The following LINC00632 variants were observed in gnomAD, a reference collection of about 807,000 sequenced individuals.
The protein encoded by LINC00632 is long independently transcribed non-coding RNA 632, also known as ALDOA related specific transcript.
chrX:140,718,306 A>G (rs1045240752), intron 2 of LINC00632, among the ~76,000 whole-genome samples: 4 of 110,791 alleles, frequency 3.6e-5, no homozygotes, highest in African/African-American at 1.3e-4. Context: ...ACTCGAATCA[A>G]CCCACAATGC....
At chrX:140,723,659 T>C (rs1602734860) in intron 2 of LINC00632, among the ~76,000 whole-genome samples, 3 of 1,930 alleles carry the variant, frequency 1.6e-3, no homozygotes, top group Non-Finnish European at 3.0e-3. Flanking sequence ...CACACACACA[T>C]TCCATATACA....
chrX:140,760,325 G>A (rs757876093), intron 3 of LINC00632, among the ~76,000 whole-genome samples: 1 of 111,884 alleles, frequency 8.9e-6, no homozygotes, highest in Non-Finnish European at 1.9e-5. Context: ...CTCAGACATA[G>A]GGCTATAAAG....
exon 5 of LINC00632, chrX:140,782,337 T>C (rs1355776548): frequency 8.9e-6 from 1 of 112,029 alleles, no homozygotes; most frequent in Non-Finnish European, 1.9e-5. Context: ...GCTTCCAACA[T>C]CTTTAATTAC....
chrX:140,785,963 T>C (rs1178525654), exon 5 of LINC00632, among the ~76,000 whole-genome samples: 1 of 111,586 alleles, frequency 9.0e-6, no homozygotes, highest in Non-Finnish European at 1.9e-5. Flanking sequence ...TAATGGTAGC[T>C]GCAACTCCTT....
intron 2 of LINC00632, among the ~76,000 whole-genome samples, chrX:140,733,376 A>G (rs1022300644): frequency 1.8e-5 from 2 of 111,110 alleles, no homozygotes; most frequent in Admixed American, 9.6e-5. Context: ...ATTTAAATGC[A>G]TGTCTATTGA....
intron 3 of LINC00632, among the ~76,000 whole-genome samples, chrX:140,768,627 A>G (rs1269774509): frequency 1.5e-5 from 1 of 67,448 alleles, no homozygotes; most frequent in Non-Finnish European, 3.2e-5. Context: ...CATAATAAAT[A>G]TATATACTAT....
chrX:140,773,304 T>A (rs1257699698), exon 4 of LINC00632, among the ~76,000 whole-genome samples: 1 of 111,757 alleles, frequency 8.9e-6, no homozygotes, highest in Non-Finnish European at 1.9e-5. Flanking sequence ...CCGGAGAGTA[T>A]CCTGAATACC....
chrX:140,737,196 G>A (rs1457748222), intron 3 of LINC00632, among the ~76,000 whole-genome samples: 7 of 111,193 alleles, frequency 6.3e-5, no homozygotes, highest in African/African-American at 2.0e-4. Context: ...CACCGCAGTC[G>A]GCTGAGGATT....
chrX:140,743,624 G>A (rs1366987522), intron 3 of LINC00632, among the ~76,000 whole-genome samples: 1 of 111,385 alleles, frequency 9.0e-6, no homozygotes, highest in African/African-American at 3.3e-5. Flanking sequence ...TAAAATATTT[G>A]CACAGAGAAA....
exon 4 of LINC00632, among the ~76,000 whole-genome samples, chrX:140,773,129 G>A (rs748593241): frequency 2.7e-5 from 3 of 111,100 alleles, no homozygotes; most frequent in East Asian, 2.8e-4. Flanking sequence ...TCGTGCCATC[G>A]CACTCCAGCC....
Position 140,774,195 on chromosome X carries a change from C to A in LINC00632, n.2309C>A, listed in dbSNP as rs188483058. On this transcript the variant is annotated non_coding_transcript_exon_variant, in exon 4 of 5. Coordinates refer to ENST00000648200, the Ensembl canonical transcript of LINC00632. ...ATCAAAAGGCAATAGAAGAAGCCAG[C>A]ATAGGTTAACATCCAGAACTCTAAG... 8.0e-5 allele frequency among the ~76,000 whole-genome samples: 9 copies of A among 112,050 alleles called. No individual in the cohort carries two copies. The East Asian group carries it at 2.5e-3, about 32-fold the overall frequency.
chrX:140,723,356 CCACACA>C (rs747046766), intron 2 of LINC00632, among the ~76,000 whole-genome samples: 1 of 1,651 alleles, frequency 6.1e-4, no homozygotes. Context: ...TCGATACATT[CCACACA>C]CACACACATT....
intron 3 of LINC00632, chrX:140,733,986 T>A (rs914709669): frequency 1.8e-5 from 2 of 112,611 alleles, no homozygotes; most frequent in Admixed American, 9.4e-5. Flanking sequence ...ATTTGTGGAT[T>A]GCTCAGAAAC....
intron 2 of LINC00632, among the ~76,000 whole-genome samples, chrX:140,723,994 A>G (rs1281553817): frequency 2.8e-5 from 3 of 106,222 alleles, no homozygotes; most frequent in Non-Finnish European, 5.9e-5. Flanking sequence ...CATTCCATAC[A>G]CAGACACACA....
intron 2 of LINC00632, among the ~76,000 whole-genome samples, chrX:140,719,192 T>G (rs576257758): frequency 8.9e-6 from 1 of 111,955 alleles, no homozygotes; most frequent in South Asian, 3.8e-4. Context: ...TATTTCAGAA[T>G]GCACATATAT....
chrX:140,728,981 TGA>T (rs1275784152), intron 2 of LINC00632, among the ~76,000 whole-genome samples: 1 of 110,921 alleles, frequency 9.0e-6, no homozygotes, highest in Non-Finnish European at 1.9e-5. Flanking sequence ...CGCACAACAC[TGA>T]GACACACACC....
chrX:140,718,731 C>T (rs761594395), intron 2 of LINC00632, among the ~76,000 whole-genome samples: 13 of 111,820 alleles, frequency 1.2e-4, no homozygotes, highest in East Asian at 8.5e-4. Flanking sequence ...TATTCCGTAA[C>T]GCCTAGAAGC....
chrX:140,724,933 TACAC>T (rs1231512070), intron 2 of LINC00632, among the ~76,000 whole-genome samples: 3 of 3,533 alleles, frequency 8.5e-4, no homozygotes, highest in East Asian at 0.019. Flanking sequence ...ACATTCCGTA[TACAC>T]ACACAGACTC....
At chrX:140,781,958 C>A (rs1465322443) in exon 5 of LINC00632, among the ~76,000 whole-genome samples, 1 of 111,946 alleles carries the variant, frequency 8.9e-6, no homozygotes, top group Non-Finnish European at 1.9e-5. Context: ...GCAGTTCTCT[C>A]GACCTAGATA....
Sources: allele counts gnomAD v4.1 joint callset (sites outside exome capture counted in the v4.1 genomes callset), GRCh38; gene constraint gnomAD v4.1.1; transcripts MANE v1.5; gene names NCBI Gene and HGNC (gene_info 2026-07-23, HGNC 2026-07-21).